Variants in VPS39 observed in about 807,000 individuals in gnomAD.
The protein encoded by VPS39 is VPS39 subunit of HOPS complex.
VPS39 carries 70 observed loss-of-function variants against 121.0 expected under a neutral mutation model. The ratio of observed to expected loss-of-function variants is 0.58; its 90% CI spans 0.48 to 0.71. The LOEUF (loss-of-function observed/expected upper bound fraction) is 0.71. Ranked by LOEUF, VPS39 falls within the 30% of genes least tolerant of loss-of-function variation. The pLI is 0.00. For synonymous variants in VPS39, 378 were observed against 398.1 expected (o/e 0.95, Z 0.60); for missense variants, 818 against 1,051.5 (o/e 0.78, Z 3.07).
intron 2 of VPS39, among the ~76,000 whole-genome samples, chr15:42,196,499 T>C (rs1427775115): frequency 6.6e-6 from 1 of 152,036 alleles, no homozygotes; most frequent in African/African-American, 2.4e-5. Context: ...CATCAAAAAG[T>C]AGGCAAAGGA....
At position 42,163,386 on chromosome 15, in the gene VPS39, G is replaced by A. The variant is rs377290349; in HGVS notation, c.2139C>T (p.His713=). ...CATCTTTGTTTCGGTCATAGTGTTT[G>A]TGGCAGTACCTGCAAGGGAGAGAGT... is the stretch of plus-strand genomic sequence containing the variant. The part of the protein sequence containing the change: ...KDTRMAEEYC[H]KHYDRNKDGN... Residue 713 remains histidine, a synonymous_variant, in exon 21 of 25, where the codon CAC becomes CAT. Transcript: ENST00000318006. 1.7e-5 allele frequency: 27 copies of A among 1,614,080 alleles called. No homozygotes were observed. The highest frequency in any genetic ancestry group is 2.7e-5 in the African/African-American group (2 of 74,928).
chr15:42,161,269 A>G (rs1445178936), intron 24 of VPS39: 1 of 331,140 alleles, frequency 3.0e-6, no homozygotes, highest in African/African-American at 2.1e-5. Flanking sequence ...GGGACTAACT[A>G]GAGTATATGT....
intron 8 of VPS39, among the ~76,000 whole-genome samples, chr15:42,184,037 T>C (rs2049645184): frequency 7.2e-6 from 1 of 138,940 alleles, no homozygotes; most frequent in South Asian, 2.3e-4. Flanking sequence ...CTAAATGTTG[T>C]CTGTGCCTCT....
At chr15:42,185,980 A>G (rs894922521) in intron 7 of VPS39, among the ~76,000 whole-genome samples, 5 of 152,358 alleles carry the variant, frequency 3.3e-5, no homozygotes, top group African/African-American at 1.2e-4. Context: ...CCTTAAGTCC[A>G]GCTTTTGCTC....
In VPS39 at chr15:42,167,520, T is replaced by C; in HGVS notation, c.1251A>G (p.Val417=). The change falls in exon 13 of 25, where the codon GTA becomes GTG. Residue 417 remains valine (V), a synonymous_variant. Transcript: ENST00000318006. The stretch of plus-strand genomic sequence containing the variant: ...GGTGATCAGAGTCATTCAGCTTCTT[T>C]ACCAATTGACTTCGTTTCTGCAAAG... ...DYLTQKRSQL[V]KKLNDSDHQS... 1 of 1,614,172 alleles carries C rather than the reference T, an allele frequency of 6.2e-7. No homozygotes were observed. The highest frequency in any genetic ancestry group is 8.5e-7 in the Non-Finnish European group (1 of 1,180,030).
intron 1 of VPS39, 84 bp downstream of exon 1, chr15:42,207,997 C>T (rs555713937): frequency 3.7e-5 from 54 of 1,441,788 alleles, no homozygotes; most frequent in Non-Finnish European, 4.6e-5. Context: ...CACGGATGGA[C>T]GCCTGTCCAC....
At position 42,163,660 on chromosome 15, in the gene VPS39, C is replaced by A; in HGVS notation, c.2095G>T (p.Val699Phe). The A allele has an allele frequency of 6.2e-7, 1 of 1,613,968 alleles. No individual in the cohort carries two copies. The change falls in exon 20 of 25, where the codon GTC becomes TTC. Residue 699 changes from valine (V) to phenylalanine (F), a missense_variant. Val to Phe is a conservative substitution (Grantham distance 50). Coordinates refer to ENST00000318006, the MANE Select transcript of VPS39 (RefSeq NM_015289.5). ...ATCCTTGTATCCTTCAAGATGTGGACATAAATGAAAAGAGCTTGTTCATGT... is the reference window on the plus strand; with the variant it reads ...ATCCTTGTATCCTTCAAGATGTGGAAATAAATGAAAAGAGCTTGTTCATGT... ...GKHEQALFIYVHILKDTRMAE... is the reference protein window; with the variant it reads ...GKHEQALFIYFHILKDTRMAE...
intron 1 of VPS39, among the ~76,000 whole-genome samples, chr15:42,202,327 C>T (rs576425534): frequency 1.6e-4 from 24 of 151,680 alleles, no homozygotes; most frequent in Non-Finnish European, 2.2e-4. Context: ...AGGTCACACA[C>T]AAAAAAAATG....
intron 8 of VPS39, chr15:42,178,814 C>T: frequency 2.2e-6 from 1 of 458,720 alleles, no homozygotes; most frequent in East Asian, 3.6e-5. Flanking sequence ...CCGACCTAGG[C>T]ATCTTAGTGA....
At chr15:42,178,123 A>T in intron 10 of VPS39, 95 bp downstream of exon 10, 1 of 1,556,706 alleles carries the variant, frequency 6.4e-7, no homozygotes, top group South Asian at 1.2e-5. Flanking sequence ...CTATGTGCTT[A>T]TTCTACTAAC....
At chr15:42,169,460 C>CT (rs1307313714) in intron 12 of VPS39, among the ~76,000 whole-genome samples, 3 of 152,098 alleles carry the variant, frequency 2.0e-5, no homozygotes, top group Admixed American at 6.6e-5. Context: ...CTAAAATTTA[C>CT]TTTTTTTAGT....
At chr15:42,166,059 A>G in intron 16 of VPS39, 100 bp downstream of exon 16, 1 of 1,241,562 alleles carries the variant, frequency 8.1e-7, no homozygotes, top group African/African-American at 1.5e-5. Flanking sequence ...ACCAATGAAG[A>G]CAGATGCATG....
At chr15:42,181,713 T>G (rs1423695342) in intron 8 of VPS39, among the ~76,000 whole-genome samples, 1 of 142,892 alleles carries the variant, frequency 7.0e-6, no homozygotes, top group Non-Finnish European at 1.5e-5. Flanking sequence ...TAATTATCCT[T>G]TTTTTTTTTT....
intron 12 of VPS39, among the ~76,000 whole-genome samples, chr15:42,168,136 A>T (rs1381959185): frequency 6.6e-6 from 1 of 152,192 alleles, no homozygotes; most frequent in Non-Finnish European, 1.5e-5. Flanking sequence ...TCCAGTATGT[A>T]TTCTCTTGAG....
At chr15:42,183,095 A>G (rs899709370) in intron 8 of VPS39, among the ~76,000 whole-genome samples, 1 of 149,782 alleles carries the variant, frequency 6.7e-6, no homozygotes, top group African/African-American at 2.5e-5. Flanking sequence ...CTAGAACATG[A>G]TGTGTTTTTT....
chr15:42,168,385 T>C (rs1595645836), intron 12 of VPS39, among the ~76,000 whole-genome samples: 1 of 152,164 alleles, frequency 6.6e-6, no homozygotes, highest in Non-Finnish European at 1.5e-5. Context: ...GGCAAGTTTG[T>C]GTGCTCCTTG....
In VPS39 at chr15:42,159,533, G is replaced by GT. The variant is rs1413813760; in HGVS notation, c.*1220dup. 1 of 152,416 alleles carries GT rather than the reference G, an allele frequency of 6.6e-6. No homozygotes were observed. Among genetic ancestry groups the GT allele is most frequent in the Non-Finnish European group, 1.5e-5 (1 of 68,198 alleles). 9.4% of individuals were successfully genotyped at this position (152,416 alleles called of 1,614,324 possible). On this transcript the variant is annotated 3_prime_UTR_variant, in exon 25 of 25. Coordinates refer to ENST00000318006, the MANE Select transcript of VPS39 (RefSeq NM_015289.5). ...CCCACACTGCTCCACAGGTTTGGCG[G>GT]TGAGTTATTTTTAAACCAGCGTCCT...
rs2049075430 is a variant in VPS39 at position 42,158,886 on chromosome 15, C to T, written c.*1868G>A. The T allele has an allele frequency of 6.6e-6, 1 of 152,250 alleles. No homozygotes were observed. Among genetic ancestry groups the T allele is most frequent in the Admixed American group, 6.5e-5 (1 of 15,286 alleles). 9.4% of individuals were successfully genotyped at this position (152,250 alleles called of 1,614,324 possible). ...TATGTATACCAGGAAAGAAAACACA[C>T]ATTCTTTATTCTATTGCTTCAAAGA... On this transcript the variant is annotated 3_prime_UTR_variant, in exon 25 of 25. Transcript: ENST00000318006.
chr15:42,185,391 G>A (rs1310352609), intron 7 of VPS39, among the ~76,000 whole-genome samples: 1 of 151,730 alleles, frequency 6.6e-6, no homozygotes, highest in African/African-American at 2.4e-5. Flanking sequence ...CACCGTGTTA[G>A]CCAGGATGGT....
Sources: allele counts gnomAD v4.1 joint callset (sites outside exome capture counted in the v4.1 genomes callset), GRCh38; gene constraint gnomAD v4.1.1; transcripts MANE v1.5; gene names NCBI Gene and HGNC (gene_info 2026-07-23, HGNC 2026-07-21).